TJP1: variants seen among roughly 807,000 people sequenced by gnomAD.
The protein encoded by TJP1 is tight junction protein ZO-1.
A neutral mutation model predicts 194.2 loss-of-function variants in TJP1; 43 were observed. The ratio of observed to expected loss-of-function variants is 0.22; its 90% CI spans 0.17 to 0.29. The LOEUF (loss-of-function observed/expected upper bound fraction) is 0.29. Among genes scored for constraint, TJP1 ranks in the 10% least tolerant of loss-of-function variants. The probability of loss-of-function intolerance (pLI) is 1.00; values close to 1 mark genes in which losing one functional copy is unlikely to be tolerated. For synonymous variants in TJP1, 801 were observed against 779.0 expected (o/e 1.03, Z -0.47); for missense variants, 1,971 against 2,185.7 (o/e 0.90, Z 1.96).
At chr15:29,852,612 C>G (rs982504637) in intron 2 of TJP1, among the ~76,000 whole-genome samples, 1 of 152,104 alleles carries the variant, frequency 6.6e-6, no homozygotes, top group African/African-American at 2.4e-5. Context: ...TTTATCCCAG[C>G]AAAATAAAAA....
intron 4 of TJP1, 27 bp downstream of exon 4, chr15:29,772,037 A>T (rs368580346): frequency 4.5e-5 from 64 of 1,436,516 alleles, no homozygotes; most frequent in Non-Finnish European, 1.9e-6. Flanking sequence ...GGGTACCTTT[A>T]CTAAATTACA....
At chr15:29,892,347 G>A (rs543581862) in intron 2 of TJP1, among the ~76,000 whole-genome samples, 52 of 152,336 alleles carry the variant, frequency 3.4e-4, no homozygotes, top group African/African-American at 1.3e-3. Context: ...AAAAGTGCAA[G>A]GTGAGGAAGC....
At chr15:29,797,364 G>A (rs1019952090) in intron 2 of TJP1, among the ~76,000 whole-genome samples, 2 of 152,070 alleles carry the variant, frequency 1.3e-5, no homozygotes, top group African/African-American at 4.8e-5. Context: ...TGGCCAGGCT[G>A]GTCTCAAATT....
intron 2 of TJP1, among the ~76,000 whole-genome samples, chr15:29,853,442 T>C (rs2051723546): frequency 6.6e-6 from 1 of 152,214 alleles, no homozygotes; most frequent in Admixed American, 6.5e-5. Flanking sequence ...TGGATTAACA[T>C]CAATGCTAAT....
intron 2 of TJP1, among the ~76,000 whole-genome samples, chr15:29,919,901 TG>T (rs10706319): frequency 1 from 152,342 of 152,342 alleles, 76,171 homozygotes; most frequent in Non-Finnish European, 1. Flanking sequence ...CCCTTCCCAG[TG>T]GGGGAGATGA....
chr15:29,754,371 G>T (rs1264391417), intron 8 of TJP1, among the ~76,000 whole-genome samples: 1 of 152,100 alleles, frequency 6.6e-6, no homozygotes, highest in Non-Finnish European at 1.5e-5. Flanking sequence ...TCTACTTGAG[G>T]GGGGAGGGTA....
intron 18 of TJP1, among the ~76,000 whole-genome samples, chr15:29,723,645 A>G (rs998685138): frequency 6.6e-6 from 1 of 152,232 alleles, no homozygotes; most frequent in African/African-American, 2.4e-5. Context: ...CATCACCTAC[A>G]TGGTGGTTGC....
chr15:29,898,560 T>A (rs1374548155), intron 2 of TJP1, among the ~76,000 whole-genome samples: 2 of 152,198 alleles, frequency 1.3e-5, no homozygotes, highest in Non-Finnish European at 2.9e-5. Flanking sequence ...ATGTTTCATA[T>A]AAAATCTATT....
rs1312090053 is a variant in TJP1, at chr15:29,822,015, G to A, written c.14C>T (p.Ala5Val). The A allele has an allele frequency of 4.4e-6, 6 of 1,353,926 alleles. No individual in the cohort carries two copies. The highest frequency in any genetic ancestry group is 2.0e-5 in the South Asian group (1 of 50,274). The allele number at this position is 1,353,926 out of a possible 1,614,324, so 83.9% of individuals were successfully genotyped here. A position where few individuals can be genotyped will look rare whatever the true frequency, so the allele number is the denominator to read the frequency against. The change falls in exon 1 of 28, where the codon GCT (alanine) becomes GTT (valine). Residue 5 changes from alanine (A) to valine (V), a missense_variant. Ala to Val is a moderately conservative substitution (Grantham distance 64). This residue lies in a region of TJP1 where 245 missense variants were observed against 336.6 expected (regional missense o/e 0.73). Coordinates refer to ENST00000614355, the MANE Select transcript of TJP1 (RefSeq NM_001330239.4). MSAR[A>V]AAAKSTAMEE... ...GGAGGCGCTCACCTTGGCGGCCGCA[G>A]CTCTGGCGGACATCTTGTCTCTCTC...
At chr15:29,928,671 C>T (rs554438530) in intron 2 of TJP1, among the ~76,000 whole-genome samples, 62 of 152,198 alleles carry the variant, frequency 4.1e-4, no homozygotes, top group African/African-American at 1.3e-3. Context: ...CGGCCGGGCA[C>T]GGTGGCTCAC....
At chr15:29,833,881 ATTTT>A (rs10650949) in intron 2 of TJP1, among the ~76,000 whole-genome samples, 2 of 12,618 alleles carry the variant, frequency 1.6e-4, no homozygotes, top group Non-Finnish European at 1.4e-4. Context: ...ATATATATAT[ATTTT>A]TTTTTTTTTT....
chr15:29,863,204 G>A (rs1438298204), intron 2 of TJP1, among the ~76,000 whole-genome samples: 3 of 151,982 alleles, frequency 2.0e-5, no homozygotes, highest in African/African-American at 7.2e-5. Context: ...GCTGAGGCAG[G>A]AGAATCGCTT....
intron 2 of TJP1, among the ~76,000 whole-genome samples, chr15:29,876,652 C>A (rs533774946): frequency 1.1e-4 from 17 of 152,256 alleles, no homozygotes; most frequent in African/African-American, 4.1e-4. Context: ...GATTGGACAT[C>A]CCTGCTCTAC....
chr15:29,764,156 A>C (rs2046186091), intron 5 of TJP1, among the ~76,000 whole-genome samples: 1 of 152,226 alleles, frequency 6.6e-6, no homozygotes, highest in African/African-American at 2.4e-5. Flanking sequence ...TTAGCATGGT[A>C]ATCCCAAATG....
At chr15:29,901,300 T>C (rs1188916547) in intron 2 of TJP1, among the ~76,000 whole-genome samples, 1 of 152,190 alleles carries the variant, frequency 6.6e-6, no homozygotes, top group Non-Finnish European at 1.5e-5. Flanking sequence ...TGCAACTACA[T>C]AGTTATTTGT....
intron 11 of TJP1, among the ~76,000 whole-genome samples, chr15:29,735,393 A>C (rs1240108384): frequency 6.6e-6 from 1 of 152,058 alleles, no homozygotes; most frequent in Non-Finnish European, 1.5e-5. Context: ...ATTTGAGACC[A>C]GTCTGGGCCA....
chr15:29,870,691 A>G (rs553942736), intron 2 of TJP1, among the ~76,000 whole-genome samples: 1 of 152,296 alleles, frequency 6.6e-6, no homozygotes, highest in East Asian at 1.9e-4. Context: ...GCCCTTATCA[A>G]TTCCTGTCAG....
In TJP1 at chr15:29,733,217, T is replaced by A. The variant is rs2043788228; in HGVS notation, c.1613A>T (p.Asn538Ile). ...EKESPYGLSF[N>I]KGEVFRVVDT... ...CACAACACGGAACACCTCTCCTTTG[T>A]TAAAACTAAGTCCATAGGGAGATTC... The change falls in exon 13 of 28, where the codon AAC (asparagine) becomes ATC (isoleucine). Residue 538 changes from asparagine to isoleucine, a missense_variant. Physicochemically the swap from Asn to Ile is moderately radical, Grantham distance 149. This residue lies in a region of TJP1 where 402 missense variants were observed against 484.2 expected (regional missense o/e 0.83). Transcript: ENST00000614355. 1 of 1,614,108 alleles carries A rather than the reference T, an allele frequency of 6.2e-7. No homozygotes were observed. Among genetic ancestry groups the A allele is most frequent in the Non-Finnish European group, 8.5e-7 (1 of 1,179,988 alleles).
At chr15:29,942,147 A>C (rs2055101970) in intron 2 of TJP1, among the ~76,000 whole-genome samples, 1 of 152,246 alleles carries the variant, frequency 6.6e-6, no homozygotes, top group African/African-American at 2.4e-5. Flanking sequence ...CTTTTCATTA[A>C]GACCCAAATT....
Sources: allele counts gnomAD v4.1 joint callset (sites outside exome capture counted in the v4.1 genomes callset), GRCh38; gene constraint gnomAD v4.1.1; regional missense constraint gnomAD v4.1.1; transcripts MANE v1.5; gene names NCBI Gene and HGNC (gene_info 2026-07-23, HGNC 2026-07-21).